Variants in PPARA observed in about 807,000 individuals in gnomAD.
The protein encoded by PPARA is peroxisome proliferator activated receptor alpha.
A neutral mutation model predicts 42.2 loss-of-function variants in PPARA; 22 were observed. That is an observed-to-expected ratio of 0.52 (90% CI 0.37 to 0.74). The LOEUF (loss-of-function observed/expected upper bound fraction) is 0.74, where lower values mean the gene tolerates loss of function less well. Ranked by LOEUF, PPARA falls within the 30% of genes least tolerant of loss-of-function variation. The pLI is 0.00. For synonymous variants in PPARA, 242 were observed against 239.3 expected, an observed-to-expected ratio of 1.01 and a Z score of -0.10; for missense variants, 465 against 608.2, an observed-to-expected ratio of 0.76 and a Z score of 2.48.
At position 46,161,236 on chromosome 22, in the gene PPARA, T is replaced by C. The variant is rs1452187807; in HGVS notation, c.-127+9266T>C. Among the ~76,000 whole-genome samples, 1 of 152,152 alleles carries C rather than the reference T, an allele frequency of 6.6e-6. No individual in the cohort carries two copies. The highest frequency in any genetic ancestry group is 1.5e-5 in the Non-Finnish European group (1 of 68,026). On this transcript the variant is annotated intron_variant, in intron 2 of 8. Transcript: ENST00000407236. The surrounding 1 kb of genome is among the most constrained non-coding windows in gnomAD (Gnocchi z 4.8). ...TTCAAATGTGGGCTTTCTTAGTAGA[T>C]TAAATCATTTTCTAGAAGGAATTTC...
At chr22:46,199,085 C>T (rs1168934492) in intron 4 of PPARA, among the ~76,000 whole-genome samples, 4 of 152,228 alleles carry the variant, frequency 2.6e-5, no homozygotes, top group Non-Finnish European at 5.9e-5. Flanking sequence ...ACGGTGCCCC[C>T]TCTTGTGAAA....
chr22:46,205,996 T>A (rs1320692065), intron 4 of PPARA, among the ~76,000 whole-genome samples: 1 of 152,204 alleles, frequency 6.6e-6, no homozygotes, highest in Non-Finnish European at 1.5e-5. Context: ...TGGTTTGATT[T>A]AAATCTATTA....
chr22:46,160,825 G>A lies in PPARA; in HGVS notation c.-127+8855G>A, dbSNP rs1926053056. Among the ~76,000 whole-genome samples the A allele has an allele frequency of 6.6e-6, 1 of 152,120 alleles. No individual in the cohort carries two copies. The highest frequency in any genetic ancestry group is 1.5e-5 in the Non-Finnish European group (1 of 68,032). On this transcript the variant is annotated intron_variant, in intron 2 of 8. Coordinates refer to ENST00000407236, the MANE Select transcript of PPARA (RefSeq NM_005036.6). The surrounding 1 kb of genome is among the most constrained non-coding windows in gnomAD (Gnocchi z 4.5). ...CATGTTCAGCTAGTCTCAAACTCCT[G>A]GGCTCAAGTGATCTGTCCGCCTTGG...
At chr22:46,152,132 ATTTTTTTTT>A (rs780789203) in intron 2 of PPARA, among the ~76,000 whole-genome samples, 162 bp downstream of exon 2, 1 of 104,682 alleles carries the variant, frequency 9.6e-6, no homozygotes, top group Non-Finnish European at 1.9e-5. Flanking sequence ...GCATGGATTC[ATTTTTTTTT>A]TTTTTTTTTT....
In PPARA at chr22:46,224,403, C is replaced by T. The variant is rs994431218; in HGVS notation, c.711+4389C>T. 1.3e-5 allele frequency among the ~76,000 whole-genome samples: 2 copies of T among 152,236 alleles called. No homozygotes were observed. Among genetic ancestry groups the T allele is most frequent in the African/African-American group, 4.8e-5 (2 of 41,464 alleles). On this transcript the variant is annotated intron_variant, in intron 7 of 8. Transcript: ENST00000407236. The surrounding 1 kb of genome is among the most constrained non-coding windows in gnomAD (Gnocchi z 5.7). ...GTGGCCAAGGTGGGTAGTGGAAGAC[C>T]ATAGCCTGTGTCCCTTACACATCTC...
At chr22:46,158,386 AAAAG>A (rs1925644476) in intron 2 of PPARA, among the ~76,000 whole-genome samples, 1 of 152,208 alleles carries the variant, frequency 6.6e-6, no homozygotes, top group African/African-American at 2.4e-5. Flanking sequence ...CTCAGAAAAA[AAAAG>A]AGTGAGGCCC....
At position 46,166,491 on chromosome 22, in the gene PPARA, G is replaced by A. The variant is rs565329669; in HGVS notation, c.-126-10262G>A. ...AAATTAGCTGGATGTGGTGGCAGGC[G>A]CCTGTAATCCCAGTTACTGGGGAGG... On this transcript the variant is annotated intron_variant, in intron 2 of 8. Coordinates refer to ENST00000407236, the MANE Select transcript of PPARA (RefSeq NM_005036.6). Among the ~76,000 whole-genome samples the A allele has an allele frequency of 8.5e-5, 13 of 152,064 alleles. No homozygotes were observed. The East Asian group carries it at 1.7e-3, about 20-fold the overall frequency.
Position 46,192,212 on chromosome 22 carries a change from T to A in PPARA, c.-42-6130T>A, listed in dbSNP as rs1321542238. 6.6e-6 allele frequency among the ~76,000 whole-genome samples: 1 copy of A among 152,212 alleles called. No homozygotes were observed. Among genetic ancestry groups the A allele is most frequent in the African/African-American group, 2.4e-5 (1 of 41,458 alleles). On this transcript the variant is annotated intron_variant, in intron 3 of 8. Coordinates refer to ENST00000407236, the MANE Select transcript of PPARA (RefSeq NM_005036.6). This position sits in a 1 kb window ranked among gnomAD's most constrained non-coding sequence, Gnocchi z 4.3. ...AGGAGAGACAGACACGTAAAAAGTTTCAACAGCACAGATAATCAGGGCTAC... is the reference window on the plus strand; with the variant it reads ...AGGAGAGACAGACACGTAAAAAGTTACAACAGCACAGATAATCAGGGCTAC...
chr22:46,185,178 G>A (rs1930493370), intron 3 of PPARA, among the ~76,000 whole-genome samples: 1 of 152,126 alleles, frequency 6.6e-6, no homozygotes, highest in African/African-American at 2.4e-5. Flanking sequence ...TACTTCTCTT[G>A]CTTCTCCCAT....
Position 46,216,299 on chromosome 22 carries a change from C to T in PPARA, c.369+966C>T, listed in dbSNP as rs987153283. On this transcript the variant is annotated intron_variant, in intron 5 of 8. Coordinates refer to ENST00000407236, the MANE Select transcript of PPARA (RefSeq NM_005036.6). The surrounding 1 kb of genome is among the most constrained non-coding windows in gnomAD (Gnocchi z 4.5). ...TTGGGAGGCTGAAGCAGGAGAATTGCTTGAACTCAGGAGGCGGAGGTTGCA... is the reference window on the plus strand; with the variant it reads ...TTGGGAGGCTGAAGCAGGAGAATTGTTTGAACTCAGGAGGCGGAGGTTGCA... Among the ~76,000 whole-genome samples, 3 of 151,256 alleles carry T rather than the reference C, an allele frequency of 2.0e-5. No individual in the cohort carries two copies. The highest frequency in any genetic ancestry group is 2.0e-4 in the Admixed American group (3 of 15,182).
intron 3 of PPARA, among the ~76,000 whole-genome samples, chr22:46,181,748 A>C (rs1347750039): frequency 6.6e-6 from 1 of 152,158 alleles, no homozygotes; most frequent in African/African-American, 2.4e-5. Context: ...GTTCCCATAC[A>C]TCAATTCCTG....
rs1270241642 is a variant in PPARA at position 46,227,412 on chromosome 22, C to T, written c.712-4380C>T. Among the ~76,000 whole-genome samples the T allele has an allele frequency of 6.6e-6, 1 of 152,160 alleles. No individual in the cohort carries two copies. The highest frequency in any genetic ancestry group is 1.5e-5 in the Non-Finnish European group (1 of 68,038). ...GATTACAGGTGCCAGCCACCACACC[C>T]GACTAATTTTTGTATTTTTAGTAGA... On this transcript the variant is annotated intron_variant, in intron 7 of 8. Transcript: ENST00000407236. The surrounding 1 kb of genome is among the most constrained non-coding windows in gnomAD (Gnocchi z 4.3).
chr22:46,207,439 AC>A (rs1933435162), intron 4 of PPARA, among the ~76,000 whole-genome samples: 1 of 148,644 alleles, frequency 6.7e-6, no homozygotes, highest in Non-Finnish European at 1.5e-5. Flanking sequence ...CCACCACCAC[AC>A]CCGGCTAATT....
Position 46,150,922 on chromosome 22 carries a change from C to A in PPARA, c.-210+270C>A, listed in dbSNP as rs568196880. On this transcript the variant is annotated intron_variant, in intron 1 of 8. Transcript: ENST00000407236. The surrounding 1 kb of genome is among the most constrained non-coding windows in gnomAD (Gnocchi z 7.5). ...GCCCAGCTCGGCCTCCCTCCTAGCGCTGGGGGCCTGCCCGGAACCCGAGTC... is the reference window on the plus strand; with the variant it reads ...GCCCAGCTCGGCCTCCCTCCTAGCGATGGGGGCCTGCCCGGAACCCGAGTC... The A allele has an allele frequency of 8.5e-5, 13 of 152,276 alleles. No homozygotes were observed. Among genetic ancestry groups the A allele is most frequent in the African/African-American group, 2.4e-4 (10 of 41,526 alleles). The allele number at this position is 152,276 out of a possible 1,614,324, so 9.4% of individuals were successfully genotyped here. A position where few individuals can be genotyped will look rare whatever the true frequency, so the allele number is the denominator to read the frequency against.
At chr22:46,181,981 G>A (rs1224188553) in intron 3 of PPARA, among the ~76,000 whole-genome samples, 1 of 152,182 alleles carries the variant, frequency 6.6e-6, no homozygotes. Flanking sequence ...TGGGAGTACG[G>A]GTGTGCACCA....
In PPARA at chr22:46,204,587, T is replaced by C. The variant is rs1265086157; in HGVS notation, c.208+5996T>C. Among the ~76,000 whole-genome samples the C allele has an allele frequency of 6.6e-6, 1 of 152,228 alleles. No homozygotes were observed. Among genetic ancestry groups the C allele is most frequent in the African/African-American group, 2.4e-5 (1 of 41,476 alleles). ...CAGTAGGTGTGTGATGGTCTCTCAC[T>C]GTGGTGATTTTTATTTGCACTTCCC... On this transcript the variant is annotated intron_variant, in intron 4 of 8. Transcript: ENST00000407236. This position sits in a 1 kb window ranked among gnomAD's most constrained non-coding sequence, Gnocchi z 5.2.
rs764662561 is a variant in PPARA at position 46,207,677 on chromosome 22, A to ATTTT, written c.209-7476_209-7473dup. ...TATTATTATTATTATTATTATTATT[A>ATTTT]TTTTTTTTTTTTTTTTTTTTTTTAG... On this transcript the variant is annotated intron_variant, in intron 4 of 8. Transcript: ENST00000407236. 5.5e-4 allele frequency among the ~76,000 whole-genome samples: 28 copies of ATTTT among 50,722 alleles called. 1 individual carries two copies. The highest frequency in any genetic ancestry group is 1.1e-3 in the South Asian group (1 of 882). The allele number at this position is 50,722 out of a possible 152,430, so 33.3% of individuals were successfully genotyped here. A position where few individuals can be genotyped will look rare whatever the true frequency, so the allele number is the denominator to read the frequency against.
At chr22:46,223,180 G>A (rs1403547269) in intron 7 of PPARA, among the ~76,000 whole-genome samples, 41 of 152,074 alleles carry the variant, frequency 2.7e-4, no homozygotes, top group Non-Finnish European at 1.5e-5. Flanking sequence ...GAGTTAAGTT[G>A]TCTTTCTTCC....
Position 46,171,024 on chromosome 22 carries a change from A to T in PPARA, c.-126-5729A>T, listed in dbSNP as rs904637592. ...AAAAATACAAAAATTAGCCAGGCAC[A>T]ATGGCAGGTACCTGTAATCCCAGCT... On this transcript the variant is annotated intron_variant, in intron 2 of 8. Transcript: ENST00000407236. This position sits in a 1 kb window ranked among gnomAD's most constrained non-coding sequence, Gnocchi z 5.0. Among the ~76,000 whole-genome samples, 1 of 151,942 alleles carries T rather than the reference A, an allele frequency of 6.6e-6. No homozygotes were observed.
Sources: gnomAD v4.1 joint callset for allele counts (sites outside exome capture counted in the v4.1 genomes callset) on GRCh38, gnomAD v4.1.1 for gene constraint, Gnocchi (gnomAD v3.1) non-coding constraint, MANE v1.5 for transcripts, NCBI Gene and HGNC (gene_info 2026-07-23, HGNC 2026-07-21) for gene names.